The following MAPK10 variants were observed in gnomAD, a reference collection of about 807,000 sequenced individuals.
The protein encoded by MAPK10 is JNK3 alpha protein kinase.
MAPK10 carries 25 observed loss-of-function variants against 59.3 expected under a neutral mutation model. That is an observed-to-expected ratio of 0.42 (90% CI 0.31 to 0.59). MAPK10 has a LOEUF of 0.59. MAPK10 is among the 20% of genes least tolerant of loss of function. MAPK10 has a pLI of 0.15. For synonymous variants in MAPK10, 190 were observed against 200.5 expected, an observed-to-expected ratio of 0.95 and a Z score of 0.44; for missense variants, 351 against 568.9, an observed-to-expected ratio of 0.62 and a Z score of 3.90.
At chr4:86,370,298 T>A (rs1738557802) in intron 1 of MAPK10, among the ~76,000 whole-genome samples, 1 of 152,134 alleles carries the variant, frequency 6.6e-6, no homozygotes, top group South Asian at 2.1e-4. Flanking sequence ...TGATTCTTAC[T>A]GGAAATTTCC....
chr4:86,163,488 C>G (rs2070538856), intron 3 of MAPK10, among the ~76,000 whole-genome samples: 1 of 151,970 alleles, frequency 6.6e-6, no homozygotes, highest in African/African-American at 2.4e-5. Flanking sequence ...TTTAGTGTTT[C>G]CTGAGTTCAA....
chr4:86,586,454 C>T (rs1198954564), intron 1 of MAPK10, among the ~76,000 whole-genome samples: 2 of 152,186 alleles, frequency 1.3e-5, no homozygotes. Context: ...CCTACTTCCC[C>T]TTCGTTAATT....
intron 1 of MAPK10, among the ~76,000 whole-genome samples, chr4:86,552,555 A>AAGGAAGGG (rs1759933502): frequency 6.7e-6 from 1 of 148,602 alleles, no homozygotes; most frequent in South Asian, 2.1e-4. Context: ...GGAAGGAAGG[A>AAGGAAGGG]AGGAATAGAA....
intron 9 of MAPK10, among the ~76,000 whole-genome samples, chr4:86,069,015 T>G (rs1228030186): frequency 1.3e-5 from 2 of 152,156 alleles, no homozygotes; most frequent in Non-Finnish European, 2.9e-5. Context: ...TTCTTTGGTG[T>G]TAAGTTAGTT....
chr4:86,542,618 G>T, intron 1 of MAPK10: 1 of 154,330 alleles, frequency 6.5e-6, no homozygotes, highest in Middle Eastern at 5.2e-4. Flanking sequence ...CTAAAAAAAA[G>T]AAACTCCCTA....
At chr4:86,278,539 C>T (rs866301639) in intron 2 of MAPK10, among the ~76,000 whole-genome samples, 13 of 151,876 alleles carry the variant, frequency 8.6e-5, no homozygotes, top group Non-Finnish European at 1.3e-4. Context: ...GCAAAACCCG[C>T]TAGTAAAAAA....
At chr4:86,242,545 G>A (rs2092799798) in intron 2 of MAPK10, among the ~76,000 whole-genome samples, 1 of 152,204 alleles carries the variant, frequency 6.6e-6, no homozygotes, top group Admixed American at 6.5e-5. Flanking sequence ...CCTCTGGCTG[G>A]AATTATTGGA....
intron 1 of MAPK10, among the ~76,000 whole-genome samples, chr4:86,445,422 G>C (rs1364439007): frequency 1.3e-5 from 2 of 152,156 alleles, no homozygotes; most frequent in African/African-American, 4.8e-5. Flanking sequence ...CCTGTCATGG[G>C]GAGGGAGAGT....
intron 2 of MAPK10, among the ~76,000 whole-genome samples, chr4:86,317,769 A>G (rs894156962): frequency 1.3e-5 from 2 of 152,228 alleles, no homozygotes; most frequent in South Asian, 2.1e-4. Flanking sequence ...TAGCATCTCT[A>G]TTAGTTTCTG....
upstream of MAPK10, among the ~76,000 whole-genome samples, chr4:86,455,092 C>T (rs1236675848): frequency 3.3e-5 from 5 of 152,054 alleles, no homozygotes; most frequent in African/African-American, 4.8e-5. Flanking sequence ...TAAGGGAATT[C>T]GCCACTACCA....
chr4:86,206,660 C>G (rs1254119023), intron 2 of MAPK10, among the ~76,000 whole-genome samples: 2 of 152,186 alleles, frequency 1.3e-5, no homozygotes, highest in African/African-American at 4.8e-5. Context: ...ACAGTCCCAC[C>G]AACAGTGTAA....
At chr4:86,368,303 T>C (rs946698012) in intron 1 of MAPK10, among the ~76,000 whole-genome samples, 1 of 152,210 alleles carries the variant, frequency 6.6e-6, no homozygotes, top group African/African-American at 2.4e-5. Flanking sequence ...GTTTCCCCTA[T>C]TATTAATATC....
intron 9 of MAPK10, among the ~76,000 whole-genome samples, chr4:86,071,811 G>T (rs1474920683): frequency 3.9e-4 from 59 of 150,048 alleles, no homozygotes; most frequent in African/African-American, 1.4e-3. Flanking sequence ...AGTATAGTTT[G>T]AAGTCAGGTA....
intron 3 of MAPK10, among the ~76,000 whole-genome samples, chr4:86,187,785 A>AAG (rs1309223228): frequency 6.6e-6 from 1 of 152,162 alleles, no homozygotes; most frequent in African/African-American, 2.4e-5. Flanking sequence ...TTAAAAACTT[A>AAG]TACTTTAAGT....
In MAPK10 at chr4:86,067,770, T is replaced by A. The variant is rs374607163; in HGVS notation, c.985+3A>T. 6.2e-7 allele frequency: 1 copy of A among 1,607,204 alleles called. No individual in the cohort carries two copies. The highest frequency in any genetic ancestry group is 1.3e-5 in the African/African-American group (1 of 74,856). The stretch of plus-strand genomic sequence containing the variant: ...GTCCTCAAGTCATTCCTGAAGGGCA[T>A]ACCTTTGAGTTTATTGTGCTCGGAG... On this transcript the variant is annotated splice_donor_region_variant and intron_variant, in intron 10 of 13. Coordinates refer to ENST00000641462, the MANE Select transcript of MAPK10 (RefSeq NM_138982.4).
chr4:86,522,240 AAG>A (rs1757162453), intron 1 of MAPK10, among the ~76,000 whole-genome samples: 1 of 152,154 alleles, frequency 6.6e-6, no homozygotes, highest in African/African-American at 2.4e-5. Flanking sequence ...ATGGCAATTA[AAG>A]AGTCACTCCT....
intron 11 of MAPK10, among the ~76,000 whole-genome samples, chr4:86,034,932 G>C (rs1208496661): frequency 1.3e-5 from 2 of 152,122 alleles, no homozygotes; most frequent in African/African-American, 4.8e-5. Context: ...GGTAGTGGTG[G>C]TGCATGTGTT....
At chr4:86,436,580 A>G (rs528629558) in intron 1 of MAPK10, among the ~76,000 whole-genome samples, 1 of 152,254 alleles carries the variant, frequency 6.6e-6, no homozygotes, top group East Asian at 1.9e-4. Context: ...ATGTGTAGAA[A>G]TAAAATTTAC....
intron 2 of MAPK10, among the ~76,000 whole-genome samples, chr4:86,206,227 G>T (rs1025097312): frequency 6.6e-5 from 10 of 151,438 alleles, no homozygotes; most frequent in African/African-American, 2.4e-4. Context: ...CCCAGAGTGT[G>T]ATGTTCCCCT....
Sources: allele counts gnomAD v4.1 joint callset (sites outside exome capture counted in the v4.1 genomes callset), GRCh38; gene constraint gnomAD v4.1.1; transcripts MANE v1.5; gene names NCBI Gene and HGNC (gene_info 2026-07-23, HGNC 2026-07-21).